The following DHX35 variants were observed in gnomAD, a reference collection of about 807,000 sequenced individuals.
DHX35 encodes DEAH-box helicase 35, also known as probable ATP-dependent RNA helicase DHX35.
A neutral mutation model predicts 99.6 loss-of-function variants in DHX35; 84 were observed. The observed-to-expected ratio is 0.84, with a 90% CI of 0.71 to 1.01. DHX35 has a LOEUF of 1.01. Among genes scored for constraint, DHX35 ranks in the 50% least tolerant of loss-of-function variants. DHX35 has a pLI of 0.00. For synonymous variants in DHX35, 331 were observed against 316.2 expected (o/e 1.05, Z -0.50); for missense variants, 852 against 888.5 (o/e 0.96, Z 0.52).
Position 39,000,887 on chromosome 20 carries a change from C to G in DHX35, c.643-843C>G, listed in dbSNP as rs999958568. Among the ~76,000 whole-genome samples the G allele has an allele frequency of 6.6e-5, 10 of 152,188 alleles. No homozygotes were observed. The East Asian group carries it at 1.7e-3, about 26-fold the overall frequency. ...GCAGTGGGCACCAGCTGCTTCCCAT[C>G]TGGTGCTCACTTGCCTGCCTGCATG... On this transcript the variant is annotated intron_variant, in intron 8 of 21. Coordinates refer to ENST00000252011, the MANE Select transcript of DHX35 (RefSeq NM_021931.4).
intron 20 of DHX35, 76 bp downstream of exon 20, chr20:39,030,851 C>T: frequency 6.7e-7 from 1 of 1,494,858 alleles, no homozygotes; most frequent in Non-Finnish European, 9.3e-7. Flanking sequence ...GTACATGTTT[C>T]TTGACATCGC....
chr20:39,030,608 C>A, intron 19 of DHX35, 96 bp from the exon 20 acceptor site: 2 of 1,171,240 alleles, frequency 1.7e-6, no homozygotes, highest in South Asian at 2.6e-5. Flanking sequence ...CGAGTTCAGT[C>A]TGCATGCTTT....
intron 3 of DHX35, among the ~76,000 whole-genome samples, chr20:38,976,547 C>A (rs2086082006): frequency 2.0e-5 from 3 of 151,372 alleles, no homozygotes; most frequent in Non-Finnish European, 2.9e-5. Flanking sequence ...ATGATCAAAT[C>A]TGGGTCATTA....
At chr20:38,976,927 A>T (rs2086088501) in intron 3 of DHX35, among the ~76,000 whole-genome samples, 1 of 152,184 alleles carries the variant, frequency 6.6e-6, no homozygotes, top group Non-Finnish European at 1.5e-5. Flanking sequence ...GGCGCAAATG[A>T]CAGGATTTCA....
At chr20:38,969,365 A>G (rs2085959724) in intron 2 of DHX35, 151 bp downstream of exon 2, 2 of 952,716 alleles carry the variant, frequency 2.1e-6, no homozygotes, top group Non-Finnish European at 2.9e-6. Flanking sequence ...CATACTGTGT[A>G]TTTTTTAGTT....
chr20:39,003,450 G>A (rs1003659434), intron 10 of DHX35, among the ~76,000 whole-genome samples: 11 of 152,184 alleles, frequency 7.2e-5, no homozygotes, highest in Admixed American at 2.6e-4. Flanking sequence ...GTTTGACACC[G>A]TATATGTATG....
chr20:38,993,755 A>G (rs924555706), intron 7 of DHX35, among the ~76,000 whole-genome samples: 1 of 149,292 alleles, frequency 6.7e-6, no homozygotes, highest in Non-Finnish European at 1.5e-5. Context: ...TGGCTTATGC[A>G]TCGGACAGTA....
chr20:38,994,553 T>G (rs1179491276), intron 7 of DHX35, among the ~76,000 whole-genome samples: 1 of 152,058 alleles, frequency 6.6e-6, no homozygotes, highest in Admixed American at 6.5e-5. Flanking sequence ...TTAAAGCTTC[T>G]TTATAGTTTT....
intron 8 of DHX35, among the ~76,000 whole-genome samples, chr20:39,000,922 C>T (rs2086509501): frequency 6.6e-6 from 1 of 152,148 alleles, no homozygotes; most frequent in Admixed American, 6.5e-5. Context: ...GGTCACTTAG[C>T]TCTTCTCAGT....
At chr20:39,037,461 C>G (rs1021575251) in intron 21 of DHX35, among the ~76,000 whole-genome samples, 2 of 152,156 alleles carry the variant, frequency 1.3e-5, no homozygotes, top group African/African-American at 4.8e-5. Flanking sequence ...GGGTCCTGTT[C>G]GCTCTGTTGT....
At chr20:38,994,595 G>T (rs2086395059) in intron 7 of DHX35, among the ~76,000 whole-genome samples, 2 of 145,180 alleles carry the variant, frequency 1.4e-5, no homozygotes, top group Admixed American at 7.0e-5. Context: ...TTGGAAAATT[G>T]CATACATTTA....
intron 1 of DHX35, among the ~76,000 whole-genome samples, chr20:38,963,781 T>C (rs1341103097): frequency 6.6e-6 from 1 of 152,224 alleles, no homozygotes; most frequent in African/African-American, 2.4e-5. Flanking sequence ...ATACAGATGC[T>C]CAGGGCTCTG....
At chr20:38,980,743 C>T (rs769365391) in intron 3 of DHX35, among the ~76,000 whole-genome samples, 7 of 152,092 alleles carry the variant, frequency 4.6e-5, no homozygotes, top group South Asian at 2.1e-4. Context: ...GTGCAGAGAT[C>T]GAAAGCAGGC....
At chr20:39,001,896 T>C in intron 9 of DHX35, 54 bp downstream of exon 9, 2 of 1,357,442 alleles carry the variant, frequency 1.5e-6, no homozygotes, top group Non-Finnish European at 2.1e-6. Context: ...CAGCCTCTGA[T>C]GTAGAATGTC....
At chr20:38,999,307 C>G (rs971962571) in intron 8 of DHX35, among the ~76,000 whole-genome samples, 1 of 152,034 alleles carries the variant, frequency 6.6e-6, no homozygotes, top group Non-Finnish European at 1.5e-5. Flanking sequence ...ACTTCCCTCT[C>G]CTACCTCCTT....
intron 16 of DHX35, among the ~76,000 whole-genome samples, chr20:39,023,426 T>C (rs1313415036): frequency 2.6e-5 from 4 of 152,190 alleles, no homozygotes; most frequent in African/African-American, 7.2e-5. Context: ...TGGAGCGCAG[T>C]GGTGCAAACA....
At chr20:39,000,410 T>G (rs2086499879) in intron 8 of DHX35, among the ~76,000 whole-genome samples, 1 of 152,180 alleles carries the variant, frequency 6.6e-6, no homozygotes, top group African/African-American at 2.4e-5. Flanking sequence ...AGTGTACCTG[T>G]GCTGTGCATG....
In DHX35 at chr20:39,013,212, C is replaced by T. The variant is rs570603781; in HGVS notation, c.1348-1668C>T. Among the ~76,000 whole-genome samples the T allele has an allele frequency of 3.9e-5, 6 of 152,020 alleles. No individual in the cohort carries two copies. In the South Asian group the frequency reaches 1.2e-3, roughly 32 times the overall value. ...ATTGTGGTTTTTATGATTGAAATTACAGAGTACATATAATTTTGTATATTT... is the reference window on the plus strand; with the variant it reads ...ATTGTGGTTTTTATGATTGAAATTATAGAGTACATATAATTTTGTATATTT... On this transcript the variant is annotated intron_variant, in intron 13 of 21. Transcript: ENST00000252011.
At chr20:38,966,904 G>T (rs2085920027) in intron 1 of DHX35, among the ~76,000 whole-genome samples, 1 of 152,172 alleles carries the variant, frequency 6.6e-6, no homozygotes, top group South Asian at 2.1e-4. Context: ...GACAAGAAGG[G>T]AAGGAAAGAA....
Sources: gnomAD v4.1 joint callset for allele counts (sites outside exome capture counted in the v4.1 genomes callset) on GRCh38, gnomAD v4.1.1 for gene constraint, MANE v1.5 for transcripts, NCBI Gene and HGNC (gene_info 2026-07-23, HGNC 2026-07-21) for gene names.